TMEM131: variants seen among roughly 807,000 people sequenced by gnomAD.
TMEM131 encodes the protein transmembrane protein 131, also known as 2610524E03Rik.
In TMEM131, 66 loss-of-function variants were observed where a neutral mutation model predicts 211.6. That is an observed-to-expected ratio of 0.31 (90% CI 0.26 to 0.38). The LOEUF is 0.38. Ranked by LOEUF, TMEM131 falls within the 10% of genes least tolerant of loss-of-function variation. The pLI is 1.00. For missense variants in TMEM131, 2,036 were observed against 2,299.3 expected (o/e 0.89, Z 2.34); for synonymous variants, 844 against 841.3 (o/e 1.00, Z -0.06).
chr2:97,924,646 T>C (rs905326466), intron 2 of TMEM131, among the ~76,000 whole-genome samples: 3 of 152,202 alleles, frequency 2.0e-5, no homozygotes, highest in Non-Finnish European at 4.4e-5. Context: ...GTTCCTGTAA[T>C]GCCCTTAGGA....
chr2:97,925,530 G>T (rs1676945681), intron 2 of TMEM131, among the ~76,000 whole-genome samples: 1 of 152,104 alleles, frequency 6.6e-6, no homozygotes, highest in African/African-American at 2.4e-5. Context: ...TAATCTATGG[G>T]GGTTATAATT....
At chr2:97,926,100 G>A (rs1217071642) in intron 2 of TMEM131, among the ~76,000 whole-genome samples, 9 of 148,616 alleles carry the variant, frequency 6.1e-5, no homozygotes, top group East Asian at 3.9e-4. Context: ...GTGACAGTGC[G>A]AGACCCTGTC....
At chr2:97,995,147 G>T (rs968763934) in intron 1 of TMEM131, among the ~76,000 whole-genome samples, 1 of 152,238 alleles carries the variant, frequency 6.6e-6, no homozygotes, top group African/African-American at 2.4e-5. Flanking sequence ...CAAGAAAACA[G>T]AAGTGTCCTA....
At chr2:97,785,847 G>A (rs1411547740) in intron 31 of TMEM131, among the ~76,000 whole-genome samples, 3 of 152,182 alleles carry the variant, frequency 2.0e-5, no homozygotes, top group South Asian at 2.1e-4. Flanking sequence ...AAAAAGGAAC[G>A]CACTGGTGAA....
At chr2:97,993,459 A>C (rs1264662395) in intron 1 of TMEM131, among the ~76,000 whole-genome samples, 1 of 152,248 alleles carries the variant, frequency 6.6e-6, no homozygotes, top group Non-Finnish European at 1.5e-5. Flanking sequence ...ATACTGGAAT[A>C]TGATCAGTTT....
chr2:97,926,140 C>A (rs1197859808), intron 2 of TMEM131, among the ~76,000 whole-genome samples: 7 of 151,732 alleles, frequency 4.6e-5, no homozygotes, highest in African/African-American at 1.7e-4. Flanking sequence ...TTACTATGGC[C>A]AAGCCACATG....
chr2:97,941,058 A>G (rs1377664767), intron 1 of TMEM131, among the ~76,000 whole-genome samples: 1 of 152,172 alleles, frequency 6.6e-6, no homozygotes, highest in Non-Finnish European at 1.5e-5. Flanking sequence ...GCATCACACT[A>G]CCTGACTTCA....
At chr2:97,861,937 T>C (rs141613209) in intron 4 of TMEM131, among the ~76,000 whole-genome samples, 246 of 152,218 alleles carry the variant, frequency 1.6e-3, no homozygotes, top group African/African-American at 5.8e-3. Flanking sequence ...CAGTGCTGTG[T>C]TGGCTTCAGG....
chr2:97,832,325 A>G (rs1198724838), intron 11 of TMEM131, among the ~76,000 whole-genome samples: 1 of 152,190 alleles, frequency 6.6e-6, no homozygotes, highest in Non-Finnish European at 1.5e-5. Context: ...GTTTCAGTCC[A>G]TTTATTGTAC....
At position 97,814,353 on chromosome 2, in the gene TMEM131, T is replaced by C. The variant is rs773974490; in HGVS notation, c.1328A>G (p.His443Arg). The stretch of plus-strand genomic sequence containing the variant: ...AGGATCAGCAGGGCTGTCTCGGATG[T>C]GAAATAATGTTGCAGCATGATCAAA... ...LGFDHAATLF[H>R]IRDSPADPVE... The change falls in exon 14 of 41, where the codon CAC becomes CGC. Residue 443 changes from histidine to arginine, a missense_variant. Coordinates refer to ENST00000186436, the MANE Select transcript of TMEM131 (RefSeq NM_015348.2). 5 of 1,612,906 alleles carry C rather than the reference T, an allele frequency of 3.1e-6. No individual in the cohort carries two copies. The Admixed American group carries it at 8.4e-5, about 27-fold the overall frequency.
At chr2:97,771,954 T>C (rs1019621562) in intron 33 of TMEM131, among the ~76,000 whole-genome samples, 1 of 152,256 alleles carries the variant, frequency 6.6e-6, no homozygotes, top group Non-Finnish European at 1.5e-5. Context: ...GTTATGCTTG[T>C]ACCTGTGGTT....
chr2:97,859,235 T>C, intron 5 of TMEM131, 69 bp downstream of exon 5: 3 of 1,473,002 alleles, frequency 2.0e-6, no homozygotes, highest in Non-Finnish European at 2.7e-6. Context: ...CAGCAAGTTA[T>C]TAATCAATAA....
At chr2:97,967,991 GCCTAAGACC>G (rs1679132487) in intron 1 of TMEM131, among the ~76,000 whole-genome samples, 3 of 151,438 alleles carry the variant, frequency 2.0e-5, no homozygotes, top group Non-Finnish European at 4.4e-5. Flanking sequence ...ATGTCTTACT[GCCTAAGACC>G]TCAAAATGAG....
At chr2:97,760,244 T>A (rs953146047) in intron 38 of TMEM131, 2 of 305,404 alleles carry the variant, frequency 6.5e-6, no homozygotes, top group Admixed American at 4.7e-5. Flanking sequence ...TGCTCCAGAT[T>A]TCCCCCCTCC....
intron 3 of TMEM131, among the ~76,000 whole-genome samples, chr2:97,900,411 T>A (rs1342376027): frequency 6.6e-6 from 1 of 152,046 alleles, no homozygotes; most frequent in Non-Finnish European, 1.5e-5. Context: ...TTAAGTGAGA[T>A]CATGCATTAT....
At chr2:97,934,578 A>G (rs1677363153) in intron 1 of TMEM131, among the ~76,000 whole-genome samples, 1 of 152,216 alleles carries the variant, frequency 6.6e-6, no homozygotes. Context: ...AAACAAGAAT[A>G]AAGTGAGAGG....
At chr2:97,943,053 GAAAGAA>G (rs1677857663) in intron 1 of TMEM131, among the ~76,000 whole-genome samples, 1 of 66,136 alleles carries the variant, frequency 1.5e-5, no homozygotes. Flanking sequence ...AAGAAAGAAA[GAAAGAA>G]AGAAAGAAAG....
rs1397997572 is a variant in TMEM131 at position 97,792,376 on chromosome 2, AG to A, written c.4144+9del. 1.3e-6 allele frequency: 2 copies of A among 1,550,304 alleles called. No homozygotes were observed. Among genetic ancestry groups the A allele is most frequent in the Non-Finnish European group, 1.7e-6 (2 of 1,145,898 alleles). On this transcript the variant is annotated intron_variant, in intron 31 of 40. Coordinates refer to ENST00000186436, the MANE Select transcript of TMEM131 (RefSeq NM_015348.2). ...CACATCACGGATCTCCGGCAGTGGG[AG>A]ATGATTACCTTTGCTTTTTGGCAAT...
chr2:97,930,709 A>T (rs2104454073), intron 1 of TMEM131, among the ~76,000 whole-genome samples: 1 of 151,964 alleles, frequency 6.6e-6, no homozygotes, highest in East Asian at 1.9e-4. Context: ...ATTAAGCTAT[A>T]AAATATAAAA....
Sources: allele counts gnomAD v4.1 joint callset (sites outside exome capture counted in the v4.1 genomes callset), GRCh38; gene constraint gnomAD v4.1.1; transcripts MANE v1.5; gene names NCBI Gene and HGNC (gene_info 2026-07-23, HGNC 2026-07-21).